The following SLC4A10 variants were observed in gnomAD, a reference collection of about 807,000 sequenced individuals.
SLC4A10 encodes sodium-driven chloride bicarbonate exchanger.
In SLC4A10, 42 loss-of-function variants were observed where a neutral mutation model predicts 137.7. The observed-to-expected ratio is 0.30, with a 90% CI of 0.24 to 0.39. SLC4A10 has a LOEUF of 0.39. Ranked by LOEUF, SLC4A10 falls within the 10% of genes least tolerant of loss-of-function variation. The pLI, the probability that SLC4A10 is intolerant of heterozygous loss-of-function variation, is 1.00. For missense variants in SLC4A10, 925 were observed against 1,355.0 expected (o/e 0.68, Z 4.98); for synonymous variants, 474 against 464.1 (o/e 1.02, Z -0.27).
chr2:161,964,102 C>T, intron 21 of SLC4A10, 33 bp from the exon 22 acceptor site: 1 of 1,540,634 alleles, frequency 6.5e-7, no homozygotes, highest in Non-Finnish European at 8.8e-7. Flanking sequence ...TTGTCTTACA[C>T]CTAAAAACAA....
intron 26 of SLC4A10, 47 bp downstream of exon 26, chr2:161,977,807 G>A: frequency 6.5e-7 from 1 of 1,527,438 alleles, no homozygotes; most frequent in Non-Finnish European, 8.8e-7. Context: ...ATTTCCTTAT[G>A]TTAAATGGTG....
intron 1 of SLC4A10, among the ~76,000 whole-genome samples, chr2:161,658,596 C>CTT (rs35686377): frequency 0.76 from 98,010 of 128,314 alleles, 38,173 homozygotes; most frequent in East Asian, 0.83. Flanking sequence ...AAATAGTTTC[C>CTT]TTTTTTTTTT....
intron 1 of SLC4A10, among the ~76,000 whole-genome samples, chr2:161,735,446 T>C (rs1478196008): frequency 8.6e-5 from 13 of 151,964 alleles, no homozygotes; most frequent in Non-Finnish European, 1.9e-4. Context: ...ATTTCATGAT[T>C]ATCTATTACT....
intron 1 of SLC4A10, among the ~76,000 whole-genome samples, chr2:161,741,268 A>G (rs1168579614): frequency 1.3e-5 from 2 of 151,954 alleles, no homozygotes; most frequent in South Asian, 4.2e-4. Flanking sequence ...CAAAAAAAAA[A>G]AAAAAAAAGC....
intron 1 of SLC4A10, among the ~76,000 whole-genome samples, chr2:161,728,116 A>G (rs1274130897): frequency 6.6e-6 from 1 of 152,206 alleles, no homozygotes; most frequent in Admixed American, 6.5e-5. Context: ...TAACAAGGGA[A>G]TACTAGGAAA....
intron 2 of SLC4A10, among the ~76,000 whole-genome samples, chr2:161,802,597 G>C (rs552569277): frequency 6.6e-6 from 1 of 152,048 alleles, no homozygotes; most frequent in Non-Finnish European, 1.5e-5. Context: ...TTTCCTTGCT[G>C]TATTAGTTGA....
intron 1 of SLC4A10, among the ~76,000 whole-genome samples, chr2:161,636,058 G>A (rs2034335508): frequency 6.6e-6 from 1 of 152,040 alleles, no homozygotes; most frequent in Admixed American, 6.6e-5. Flanking sequence ...GCTCTGATAT[G>A]GGCTGTTTTA....
At chr2:161,905,501 C>T (rs1684156300) in intron 14 of SLC4A10, 141 bp from the exon 15 acceptor site, 1 of 1,210,282 alleles carries the variant, frequency 8.3e-7, no homozygotes, top group Non-Finnish European at 1.1e-6. Context: ...CTGCTTTAGA[C>T]AGTCTTGAGT....
intron 1 of SLC4A10, among the ~76,000 whole-genome samples, chr2:161,750,912 T>A (rs1377880725): frequency 6.6e-6 from 1 of 151,878 alleles, no homozygotes; most frequent in African/African-American, 2.4e-5. Context: ...GGTCTATATA[T>A]ATTTATAATT....
intron 1 of SLC4A10, among the ~76,000 whole-genome samples, chr2:161,727,713 A>C (rs2046378612): frequency 2.0e-5 from 3 of 152,180 alleles, no homozygotes; most frequent in Non-Finnish European, 4.4e-5. Flanking sequence ...AATCTCCAAG[A>C]AAATTGAGAG....
chr2:161,668,253 A>C (rs1454996366), intron 1 of SLC4A10, among the ~76,000 whole-genome samples: 1 of 151,850 alleles, frequency 6.6e-6, no homozygotes, highest in Non-Finnish European at 1.5e-5. Context: ...GAAGAAGGGA[A>C]GAAACTTGAA....
intron 3 of SLC4A10, among the ~76,000 whole-genome samples, chr2:161,831,718 C>T (rs935130484): frequency 6.6e-5 from 10 of 151,828 alleles, no homozygotes; most frequent in Non-Finnish European, 1.0e-4. Context: ...TCTTTTTTCC[C>T]CCCTCAAAGA....
At chr2:161,637,373 G>A (rs1456799090) in intron 1 of SLC4A10, among the ~76,000 whole-genome samples, 1 of 151,428 alleles carries the variant, frequency 6.6e-6, no homozygotes, top group African/African-American at 2.4e-5. Flanking sequence ...AATTTTTTTT[G>A]TATTTTTAGT....
At chr2:161,972,995 G>A (rs1698813149) in intron 23 of SLC4A10, among the ~76,000 whole-genome samples, 1 of 152,312 alleles carries the variant, frequency 6.6e-6, no homozygotes, top group Admixed American at 6.5e-5. Context: ...GCGGGCCAAG[G>A]TCTGTTTACC....
At chr2:161,709,192 G>A (rs550132312) in intron 1 of SLC4A10, among the ~76,000 whole-genome samples, 114 of 151,622 alleles carry the variant, frequency 7.5e-4, no homozygotes, top group African/African-American at 2.7e-3. Flanking sequence ...GATAAAAATA[G>A]TATAAATCGA....
Position 161,855,131 on chromosome 2 carries a change from G to A in SLC4A10, c.577+1G>A. On this transcript the variant is annotated splice_donor_variant, in intron 5 of 26. Coordinates refer to ENST00000446997, the MANE Select transcript of SLC4A10 (RefSeq NM_001178015.2). LOFTEE classifies it high-confidence loss of function. ...GCCAACACTTTAGAAGAAATTGCAG[G>A]TATATCTTTTCCCCCTTAGTGTATT... 1 of 1,603,874 alleles carries A rather than the reference G, an allele frequency of 6.2e-7. No individual in the cohort carries two copies. The highest frequency in any genetic ancestry group is 8.5e-7 in the Non-Finnish European group (1 of 1,175,160).
intron 1 of SLC4A10, among the ~76,000 whole-genome samples, chr2:161,729,584 A>C (rs971143941): frequency 6.6e-6 from 1 of 152,080 alleles, no homozygotes; most frequent in Admixed American, 6.6e-5. Context: ...ATAAATGCAA[A>C]AATGTTTGAC....
chr2:161,759,925 CA>C (rs1479308738), intron 1 of SLC4A10, among the ~76,000 whole-genome samples: 3 of 151,762 alleles, frequency 2.0e-5, no homozygotes, highest in East Asian at 1.9e-4. Flanking sequence ...CCTAGAGTAA[CA>C]AAAAAATACA....
At chr2:161,699,923 C>A (rs906219101) in intron 1 of SLC4A10, among the ~76,000 whole-genome samples, 1 of 152,088 alleles carries the variant, frequency 6.6e-6, no homozygotes, top group African/African-American at 2.4e-5. Context: ...AATTTTTCAA[C>A]AAATGCTATG....
Sources: allele counts gnomAD v4.1 joint callset (sites outside exome capture counted in the v4.1 genomes callset), GRCh38; gene constraint gnomAD v4.1.1; transcripts MANE v1.5; gene names NCBI Gene and HGNC (gene_info 2026-07-23, HGNC 2026-07-21).